Variants in C20orf203 observed in about 807,000 individuals in gnomAD.
The protein encoded by C20orf203 is chromosome 20 open reading frame 203, also known as uncharacterized protein C20orf203.
C20orf203 carries 16 observed loss-of-function variants against 15.9 expected under a neutral mutation model. That is an observed-to-expected ratio of 1.01 (90% CI 0.68 to 1.53). The LOEUF is 1.53. C20orf203 is among the 40% of genes most tolerant of loss of function. C20orf203 has a pLI of 0.00. For synonymous variants in C20orf203, 98 were observed against 97.2 expected (o/e 1.01, Z -0.05); for missense variants, 263 against 247.5 (o/e 1.06, Z -0.42).
Position 32,650,348 on chromosome 20 carries a change from G to T in C20orf203, c.*84C>A, listed in dbSNP as rs1160573821. 3 of 948,452 alleles carry T rather than the reference G, an allele frequency of 3.2e-6. No individual in the cohort carries two copies. The highest frequency in any genetic ancestry group is 2.6e-5 in the East Asian group (1 of 38,002). The allele number at this position is 948,452 out of a possible 1,614,324, so 58.8% of individuals were successfully genotyped here. A position where few individuals can be genotyped will look rare whatever the true frequency, so the allele number is the denominator to read the frequency against. On this transcript the variant is annotated 3_prime_UTR_variant, in exon 4 of 6. Transcript: ENST00000608990. ...CTGGGGAGCAGAATGATTGTGGGGGGTGGTAACAGGGGACACCCTGAGGTG... is the reference window on the plus strand; with the variant it reads ...CTGGGGAGCAGAATGATTGTGGGGGTTGGTAACAGGGGACACCCTGAGGTG...
At chr20:32,658,983 C>A (rs1418551447) in intron 1 of C20orf203, among the ~76,000 whole-genome samples, 1 of 152,056 alleles carries the variant, frequency 6.6e-6, no homozygotes, top group Non-Finnish European at 1.5e-5. Context: ...TCAAATGATT[C>A]TCTTGCCTCA....
intron 1 of C20orf203, among the ~76,000 whole-genome samples, chr20:32,666,825 A>ATATATATATATAT (rs1983046198): frequency 9.7e-6 from 1 of 103,158 alleles, no homozygotes; most frequent in Non-Finnish European, 2.1e-5. Context: ...ATATATATAT[A>ATATATATATATAT]GTTTTGTTTT....
At chr20:32,671,996 AGTTAACAATACT>A (rs1983181193) in intron 1 of C20orf203, among the ~76,000 whole-genome samples, 1 of 152,030 alleles carries the variant, frequency 6.6e-6, no homozygotes, top group South Asian at 2.1e-4. Flanking sequence ...TTGTGGTTAT[AGTTAACAATACT>A]GTAGCGTGCA....
At chr20:32,656,290 G>C (rs1281328128) in intron 1 of C20orf203, among the ~76,000 whole-genome samples, 1 of 152,192 alleles carries the variant, frequency 6.6e-6, no homozygotes, top group Non-Finnish European at 1.5e-5. Flanking sequence ...CACATGAAAA[G>C]ATACTCAACA....
chr20:32,663,708 CCAGCCCAGGTTCATCCCCTCCA>C (rs1236435482), intron 1 of C20orf203, among the ~76,000 whole-genome samples: 1 of 152,244 alleles, frequency 6.6e-6, no homozygotes, highest in Non-Finnish European at 1.5e-5. Context: ...AGAGGCTTCA[CCAGCCCAGGTTCATCCCCTCCA>C]CAGCCAGGAT....
At chr20:32,634,291 T>A (rs974255053) in intron 5 of C20orf203, 21 bp from the exon 6 acceptor site, 1 of 398,148 alleles carries the variant, frequency 2.5e-6, no homozygotes, top group African/African-American at 2.1e-5. Context: ...AAGAAAGAAT[T>A]AGCAAGACAG....
intron 5 of C20orf203, among the ~76,000 whole-genome samples, chr20:32,638,181 C>T (rs1341531372): frequency 6.6e-6 from 1 of 152,184 alleles, no homozygotes; most frequent in Non-Finnish European, 1.5e-5. Flanking sequence ...CTCTTTGCAA[C>T]AGCCTTAAAA....
chr20:32,651,235 C>T (rs1982617487), intron 2 of C20orf203, 69 bp from the exon 3 acceptor site: 6 of 454,832 alleles, frequency 1.3e-5, no homozygotes, highest in African/African-American at 1.0e-4. Context: ...TTCAGCTACT[C>T]ATGGGGTAGC....
intron 1 of C20orf203, among the ~76,000 whole-genome samples, chr20:32,653,598 C>CTGGTA (rs2145674130): frequency 1.3e-5 from 2 of 152,284 alleles, no homozygotes; most frequent in African/African-American, 4.8e-5. Context: ...GTTCCTACAG[C>CTGGTA]TGGTATCATA....
At chr20:32,647,993 C>T (rs142945509) in intron 4 of C20orf203, among the ~76,000 whole-genome samples, 6 of 152,336 alleles carry the variant, frequency 3.9e-5, no homozygotes, top group Non-Finnish European at 7.3e-5. Context: ...CTACCCACTT[C>T]TCTCACCCTC....
intron 1 of C20orf203, among the ~76,000 whole-genome samples, chr20:32,673,059 A>G (rs982591134): frequency 1.3e-5 from 2 of 152,144 alleles, no homozygotes; most frequent in African/African-American, 4.8e-5. Flanking sequence ...TCAAGACCCA[A>G]GACTCCTTGG....
intron 1 of C20orf203, among the ~76,000 whole-genome samples, chr20:32,670,831 AAAAAT>A (rs1010350366): frequency 5.3e-5 from 8 of 152,204 alleles, no homozygotes; most frequent in African/African-American, 9.6e-5. Context: ...CTCAAAAAAT[AAAAAT>A]AAAATAAAAA....
At chr20:32,654,927 A>T (rs1429645331) in intron 1 of C20orf203, among the ~76,000 whole-genome samples, 1 of 152,248 alleles carries the variant, frequency 6.6e-6, no homozygotes, top group Admixed American at 6.5e-5. Context: ...TACAGTAATC[A>T]GGACAATGTG....
chr20:32,634,851 C>T (rs1982094194), intron 5 of C20orf203, among the ~76,000 whole-genome samples: 1 of 152,138 alleles, frequency 6.6e-6, no homozygotes, highest in South Asian at 2.1e-4. Flanking sequence ...GTGTCAAATG[C>T]TTCACAGTGG....
intron 1 of C20orf203, among the ~76,000 whole-genome samples, chr20:32,663,635 T>C (rs1319136872): frequency 1.3e-5 from 2 of 152,264 alleles, no homozygotes; most frequent in Admixed American, 6.5e-5. Context: ...TGAGTACAAA[T>C]TGCATTTATA....
intron 1 of C20orf203, among the ~76,000 whole-genome samples, chr20:32,661,189 C>A (rs558077415): frequency 6.6e-6 from 1 of 152,272 alleles, no homozygotes; most frequent in East Asian, 1.9e-4. Context: ...AGTCATCGGC[C>A]CACCTGTTCT....
rs573712909 is a variant in C20orf203 at position 32,635,427 on chromosome 20, T to C, written c.*1300-1157A>G. Among the ~76,000 whole-genome samples, 10 of 144,790 alleles carry C rather than the reference T, an allele frequency of 6.9e-5. No individual in the cohort carries two copies. The East Asian group carries it at 1.3e-3, about 18-fold the overall frequency. 95.0% of individuals were successfully genotyped at this position (144,790 alleles called of 152,430 possible). ...GGCAGAATTGCTTGAACCCGGGAGATGGAGGTTGCAGAAGGCCAAGATCGC... is the reference window on the plus strand; with the variant it reads ...GGCAGAATTGCTTGAACCCGGGAGACGGAGGTTGCAGAAGGCCAAGATCGC... On this transcript the variant is annotated intron_variant, in intron 5 of 5. Coordinates refer to ENST00000608990, the MANE Select transcript of C20orf203 (RefSeq NM_182584.4).
At chr20:32,638,948 TCTGA>T (rs1982207438) in intron 5 of C20orf203, among the ~76,000 whole-genome samples, 1 of 152,232 alleles carries the variant, frequency 6.6e-6, no homozygotes, top group Non-Finnish European at 1.5e-5. Context: ...CTCAAGATGC[TCTGA>T]CTTACTTAAT....
chr20:32,659,094 C>A (rs887369382), intron 1 of C20orf203, among the ~76,000 whole-genome samples: 3 of 152,126 alleles, frequency 2.0e-5, no homozygotes, highest in African/African-American at 7.2e-5. Flanking sequence ...TCAGGCTGGT[C>A]TCAAACTCCC....
Sources: gnomAD v4.1 joint callset for allele counts (sites outside exome capture counted in the v4.1 genomes callset) on GRCh38, gnomAD v4.1.1 for gene constraint, MANE v1.5 for transcripts, NCBI Gene and HGNC (gene_info 2026-07-23, HGNC 2026-07-21) for gene names.